The following TIAM2 variants were observed in gnomAD, a reference collection of about 807,000 sequenced individuals.
TIAM2 encodes the protein rho guanine nucleotide exchange factor TIAM2.
A neutral mutation model predicts 152.9 loss-of-function variants in TIAM2; 80 were observed. That is an observed-to-expected ratio of 0.52 (90% CI 0.44 to 0.63). The LOEUF (loss-of-function observed/expected upper bound fraction) is 0.63, where lower values mean the gene tolerates loss of function less well. Among genes scored for constraint, TIAM2 ranks in the 30% least tolerant of loss-of-function variants. TIAM2 has a pLI of 0.00. For synonymous variants in TIAM2, 804 were observed against 838.0 expected, an observed-to-expected ratio of 0.96 and a Z score of 0.70; for missense variants, 1,965 against 2,120.1, an observed-to-expected ratio of 0.93 and a Z score of 1.44.
chr6:155,211,265 G>C lies in TIAM2; in HGVS notation c.3126G>C (p.Leu1042=). 6.2e-7 allele frequency: 1 copy of C among 1,613,614 alleles called. No homozygotes were observed. ...AAAGGAGTCAGACAGATGGCACTCT[G>C]GATCAGGTTTCCCACAGGGAGAAAA... ...GLKRSQTDGT[L]DQVSHREKME... is the part of the protein sequence containing the mutation. Residue 1042 remains leucine, a synonymous_variant, in exon 15 of 27, where the codon CTG becomes CTC. Coordinates refer to ENST00000682666, the MANE Select transcript of TIAM2 (RefSeq NM_012454.4).
intron 21 of TIAM2, chr6:155,250,524 T>TG: frequency 3.3e-6 from 5 of 1,535,122 alleles, no homozygotes; most frequent in Non-Finnish European, 2.6e-6. Context: ...TCAATGCTGG[T>TG]GCTCTTTTAT....
intron 1 of TIAM2, among the ~76,000 whole-genome samples, chr6:155,057,226 A>G (rs1232508680): frequency 2.0e-5 from 3 of 150,388 alleles, no homozygotes; most frequent in African/African-American, 7.3e-5. Flanking sequence ...TTAAATTAGA[A>G]CCGGTTTTCA....
chr6:155,176,506 T>C lies in TIAM2; in HGVS notation c.2362-310T>C, dbSNP rs1270652519. Among the ~76,000 whole-genome samples the C allele has an allele frequency of 2.0e-5, 3 of 152,218 alleles. No individual in the cohort carries two copies. In the South Asian group the frequency reaches 6.2e-4, roughly 31 times the overall value. On this transcript the variant is annotated intron_variant, in intron 9 of 26. Transcript: ENST00000682666. The stretch of plus-strand genomic sequence containing the variant: ...GCCTTGGCCTCCCAAAGTGCTGGGA[T>C]TACAGGCGTGAGCCACCGTTCCCAG...
chr6:155,021,071 T>G (rs1324558433), intron 1 of TIAM2, among the ~76,000 whole-genome samples: 1 of 152,190 alleles, frequency 6.6e-6, no homozygotes, highest in Non-Finnish European at 1.5e-5. Context: ...CTTTCCCTTT[T>G]AAAGCGAAAT....
chr6:155,077,177 G>C (rs1364107759), intron 1 of TIAM2, among the ~76,000 whole-genome samples: 1 of 150,318 alleles, frequency 6.7e-6, no homozygotes, highest in African/African-American at 2.5e-5. Flanking sequence ...TTAGTGATAA[G>C]TAATTTTTTT....
At chr6:155,154,044 G>A (rs563079890) in intron 7 of TIAM2, among the ~76,000 whole-genome samples, 5 of 152,246 alleles carry the variant, frequency 3.3e-5, no homozygotes, top group African/African-American at 1.2e-4. Context: ...AAGCCACAAA[G>A]GCAAAGGTAT....
chr6:155,028,372 T>C (rs1314328671), intron 1 of TIAM2, among the ~76,000 whole-genome samples: 1 of 125,244 alleles, frequency 8.0e-6, no homozygotes, highest in Non-Finnish European at 1.6e-5. Flanking sequence ...ATATAATATA[T>C]ATACTGTGTT....
chr6:155,239,797 T>C (rs906989884), intron 15 of TIAM2, among the ~76,000 whole-genome samples: 2 of 152,192 alleles, frequency 1.3e-5, no homozygotes, highest in African/African-American at 4.8e-5. Flanking sequence ...AGAGGTTTCC[T>C]CTGGGGCTGG....
At chr6:155,155,050 G>A (rs529601253) in intron 7 of TIAM2, among the ~76,000 whole-genome samples, 6 of 152,150 alleles carry the variant, frequency 3.9e-5, no homozygotes, top group African/African-American at 7.2e-5. Flanking sequence ...ATTTGAGGGA[G>A]ATAAAGTCAG....
At chr6:155,000,847 G>C (rs1778300620) in intron 1 of TIAM2, among the ~76,000 whole-genome samples, 1 of 152,188 alleles carries the variant, frequency 6.6e-6, no homozygotes, top group South Asian at 2.1e-4. Flanking sequence ...AGCTGGGTGT[G>C]GTGGTGCACA....
At chr6:155,205,285 G>A (rs1025230435) in intron 14 of TIAM2, among the ~76,000 whole-genome samples, 1 of 138,190 alleles carries the variant, frequency 7.2e-6, no homozygotes, top group African/African-American at 2.6e-5. Flanking sequence ...TGCATTTCTT[G>A]TTTTTGGCTA....
intron 1 of TIAM2, among the ~76,000 whole-genome samples, chr6:155,028,326 C>T (rs555384445): frequency 1.1e-5 from 1 of 94,284 alleles, no homozygotes; most frequent in South Asian, 3.4e-4. Context: ...TACATATATA[C>T]TACATATAAT....
intron 15 of TIAM2, among the ~76,000 whole-genome samples, chr6:155,237,183 C>T (rs1311162106): frequency 2.0e-5 from 3 of 152,220 alleles, no homozygotes; most frequent in African/African-American, 7.2e-5. Context: ...AAAGGGGCTC[C>T]AGGCCCCATG....
intron 2 of TIAM2, among the ~76,000 whole-genome samples, chr6:155,110,201 C>T (rs1210223381): frequency 6.6e-6 from 1 of 152,030 alleles, no homozygotes; most frequent in Non-Finnish European, 1.5e-5. Flanking sequence ...GATCCGCCCG[C>T]CTTGAACTCC....
At chr6:155,052,271 G>A (rs1003885841) in intron 1 of TIAM2, among the ~76,000 whole-genome samples, 3 of 152,012 alleles carry the variant, frequency 2.0e-5, no homozygotes, top group Non-Finnish European at 2.9e-5. Context: ...GTTATCTATC[G>A]TGATTTTACT....
chr6:155,174,807 G>A lies in TIAM2; in HGVS notation c.2362-2009G>A, dbSNP rs1780722815. 6.6e-6 allele frequency among the ~76,000 whole-genome samples: 1 copy of A among 152,184 alleles called. No individual in the cohort carries two copies. Among genetic ancestry groups the A allele is most frequent in the East Asian group, 1.9e-4 (1 of 5,194 alleles). On this transcript the variant is annotated intron_variant, in intron 9 of 26. Transcript: ENST00000682666. The surrounding 1 kb of genome is among the most constrained non-coding windows in gnomAD (Gnocchi z 4.2). ...GTTCTTCCTGATCTCCAAAAGTGCA[G>A]CAGTAAATTAATTGCTCTGTCACCC...
intron 14 of TIAM2, among the ~76,000 whole-genome samples, chr6:155,184,011 C>T (rs1207206001): frequency 6.6e-6 from 1 of 151,474 alleles, no homozygotes; most frequent in East Asian, 1.9e-4. Context: ...TTTTTTGAGA[C>T]AGAGTCTCAC....
Position 155,174,227 on chromosome 6 carries a change from G to A in TIAM2, c.2362-2589G>A, listed in dbSNP as rs1269470756. Reference sequence around the variant, plus strand: ...ATAGGCACTAGTTGTGTAAACTTGGGCAAGTTTCTAGAATTTCCTGAGCCA... The same window carrying A: ...ATAGGCACTAGTTGTGTAAACTTGGACAAGTTTCTAGAATTTCCTGAGCCA... On this transcript the variant is annotated intron_variant, in intron 9 of 26. Transcript: ENST00000682666. The surrounding 1 kb of genome is among the most constrained non-coding windows in gnomAD (Gnocchi z 4.2). Among the ~76,000 whole-genome samples the A allele has an allele frequency of 1.3e-5, 2 of 152,166 alleles. No homozygotes were observed. Among genetic ancestry groups the A allele is most frequent in the Non-Finnish European group, 2.9e-5 (2 of 68,034 alleles).
intron 7 of TIAM2, among the ~76,000 whole-genome samples, chr6:155,164,133 GT>G (rs375238178): frequency 0.17 from 20,144 of 118,094 alleles, 1,871 homozygotes; most frequent in Middle Eastern, 0.25. Context: ...TAATTTTTGT[GT>G]TTTTTTTTTT....
Sources: gnomAD v4.1 joint callset for allele counts (sites outside exome capture counted in the v4.1 genomes callset) on GRCh38, gnomAD v4.1.1 for gene constraint, Gnocchi (gnomAD v3.1) non-coding constraint, MANE v1.5 for transcripts, NCBI Gene and HGNC (gene_info 2026-07-23, HGNC 2026-07-21) for gene names.